Variants in RBFOX1 observed in about 807,000 individuals in gnomAD.
The protein encoded by RBFOX1 is RNA binding protein fox-1 homolog 1.
Under a neutral mutation model 57.7 loss-of-function variants are expected in RBFOX1, and 8 were observed. That is an observed-to-expected ratio of 0.14 (90% CI 0.08 to 0.25). The LOEUF (loss-of-function observed/expected upper bound fraction) is 0.25, where lower values mean the gene tolerates loss of function less well. Ranked by LOEUF, RBFOX1 falls within the 10% of genes least tolerant of loss-of-function variation. The pLI is 1.00. For synonymous variants in RBFOX1, 326 were observed against 222.4 expected, an observed-to-expected ratio of 1.47 and a Z score of -4.15; for missense variants, 611 against 548.5, an observed-to-expected ratio of 1.11 and a Z score of -1.14.
intron 4 of RBFOX1, among the ~76,000 whole-genome samples, chr16:7,142,140 C>T (rs530189361): frequency 1.3e-5 from 2 of 152,114 alleles, no homozygotes; most frequent in Non-Finnish European, 2.9e-5. Flanking sequence ...CCTCACACCT[C>T]AGCCTCCCAA....
chr16:5,351,442 T>G (rs1031980869), intron 1 of RBFOX1, among the ~76,000 whole-genome samples: 3 of 152,124 alleles, frequency 2.0e-5, no homozygotes, highest in Non-Finnish European at 4.4e-5. Context: ...GATTTGAACT[T>G]CAGGCTGGCT....
At chr16:6,078,320 C>T (rs7197145) in intron 1 of RBFOX1, among the ~76,000 whole-genome samples, 42,702 of 152,010 alleles carry the variant, frequency 0.28, 6,203 homozygotes, top group African/African-American at 0.34. Flanking sequence ...CCATGTCCCC[C>T]ACAGGGTGCA....
chr16:6,586,154 G>A (rs1171307120), intron 2 of RBFOX1, among the ~76,000 whole-genome samples: 1 of 152,194 alleles, frequency 6.6e-6, no homozygotes, highest in Non-Finnish European at 1.5e-5. Flanking sequence ...TTGGAATCAG[G>A]AGGTCCAGAA....
intron 4 of RBFOX1, among the ~76,000 whole-genome samples, chr16:5,926,229 A>G (rs1236694932): frequency 6.6e-6 from 1 of 152,212 alleles, no homozygotes; most frequent in African/African-American, 2.4e-5. Flanking sequence ...CCCATATGAC[A>G]CTTTGGCAAA....
intron 3 of RBFOX1, among the ~76,000 whole-genome samples, chr16:5,862,616 C>T (rs12446251): frequency 0.36 from 53,972 of 151,946 alleles, 9,866 homozygotes; most frequent in East Asian, 0.57. Context: ...TGATAGAGAC[C>T]GGGTTCAGTT....
chr16:6,712,666 G>C (rs1043550695), intron 3 of RBFOX1, among the ~76,000 whole-genome samples: 7 of 152,008 alleles, frequency 4.6e-5, no homozygotes, highest in African/African-American at 1.7e-4. Context: ...ACTCTGATAG[G>C]CATGGCAGCC....
intron 14 of RBFOX1, among the ~76,000 whole-genome samples, chr16:7,693,642 T>G (rs1391187462): frequency 1.3e-5 from 2 of 152,064 alleles, no homozygotes; most frequent in Non-Finnish European, 2.9e-5. Context: ...CACAAGAAAA[T>G]CTTACAGTAT....
chr16:7,574,712 T>C (rs1224435291), intron 5 of RBFOX1, among the ~76,000 whole-genome samples: 2 of 152,092 alleles, frequency 1.3e-5, no homozygotes, highest in African/African-American at 2.4e-5. Context: ...TGAATGTTTA[T>C]CTCCTTTGGC....
chr16:6,948,673 C>T (rs555381802), intron 3 of RBFOX1, among the ~76,000 whole-genome samples: 19 of 152,162 alleles, frequency 1.2e-4, no homozygotes, highest in East Asian at 1.2e-3. Flanking sequence ...TGAGCCACCA[C>T]GCCTGGCGTT....
intron 2 of RBFOX1, among the ~76,000 whole-genome samples, chr16:6,650,711 C>G (rs2098582197): frequency 6.6e-6 from 1 of 152,152 alleles, no homozygotes; most frequent in African/African-American, 2.4e-5. Context: ...GATATTGTCT[C>G]TTTTTGTTCC....
At chr16:7,445,720 G>T (rs2098802724) in intron 4 of RBFOX1, among the ~76,000 whole-genome samples, 2 of 152,094 alleles carry the variant, frequency 1.3e-5, no homozygotes, top group African/African-American at 2.4e-5. Flanking sequence ...TGTGGTTTTT[G>T]TTGTTGTTGT....
chr16:7,456,393 C>A (rs551106605), intron 4 of RBFOX1, among the ~76,000 whole-genome samples: 1 of 152,304 alleles, frequency 6.6e-6, no homozygotes, highest in East Asian at 1.9e-4. Flanking sequence ...TGATATATCA[C>A]TTGTTTTATG....
chr16:6,814,564 T>TG (rs1297469221), intron 3 of RBFOX1, among the ~76,000 whole-genome samples: 10 of 152,064 alleles, frequency 6.6e-5, no homozygotes, highest in African/African-American at 2.4e-4. Context: ...GAAGTTACAC[T>TG]GATGAGCATG....
In RBFOX1 at chr16:5,577,784, G is replaced by A. The variant is rs77903817; in HGVS notation, c.259-21118G>A. Among the ~76,000 whole-genome samples the A allele has an allele frequency of 5.8e-3, 880 of 152,242 alleles. 11 individuals are homozygous for A. The highest frequency in any genetic ancestry group is 0.02 in the African/African-American group (846 of 41,530). ...CTAAAAAGTCGTGTTCACACCAGGC[G>A]GCATAATAGAAGCCATGAAGTGGAA... On this transcript the variant is annotated intron_variant, in intron 2 of 2. Coordinates refer to the RBFOX1 transcript ENST00000585867.
At chr16:7,175,164 T>C (rs1043091304) in intron 4 of RBFOX1, among the ~76,000 whole-genome samples, 2 of 152,122 alleles carry the variant, frequency 1.3e-5, no homozygotes, top group East Asian at 1.9e-4. Context: ...AAGCCCAGCA[T>C]GCATTAGCTC....
rs74399313 is a variant in RBFOX1, at chr16:5,893,318, A to G, written c.351+25983A>G. Among the ~76,000 whole-genome samples the G allele has an allele frequency of 5.4e-3, 826 of 152,338 alleles. 35 individuals carry two copies. The East Asian group carries it at 0.11, about 20-fold the overall frequency. ...AAGATCACATGGTGAATGGGCACAA[A>G]AAATAGAAAGAATGAATAAGACCTA... On this transcript the variant is annotated intron_variant, in intron 4 of 19. Transcript: ENST00000641259.
chr16:6,112,589 G>T (rs2096458248), intron 1 of RBFOX1, among the ~76,000 whole-genome samples: 1 of 152,188 alleles, frequency 6.6e-6, no homozygotes, highest in Non-Finnish European at 1.5e-5. Context: ...TACCTGAGAG[G>T]CTGAGGCAGG....
intron 1 of RBFOX1, among the ~76,000 whole-genome samples, chr16:6,164,205 A>G (rs908040087): frequency 6.6e-6 from 1 of 152,216 alleles, no homozygotes; most frequent in African/African-American, 2.4e-5. Context: ...ACATTAGTCT[A>G]CATATGCAAA....
At chr16:5,347,877 C>T (rs1298389132) in intron 1 of RBFOX1, among the ~76,000 whole-genome samples, 1 of 149,570 alleles carries the variant, frequency 6.7e-6, no homozygotes, top group Non-Finnish European at 1.5e-5. Context: ...CAATAATGCA[C>T]TCACCCACCC....
Sources: gnomAD v4.1 joint callset for allele counts (sites outside exome capture counted in the v4.1 genomes callset) on GRCh38, gnomAD v4.1.1 for gene constraint, MANE v1.5 for transcripts, NCBI Gene and HGNC (gene_info 2026-07-23, HGNC 2026-07-21) for gene names.